The following ACSL3 variants were observed in gnomAD, a reference collection of about 807,000 sequenced individuals.
ACSL3 encodes the protein fatty acid CoA ligase Acsl3.
In ACSL3, 34 loss-of-function variants were observed where a neutral mutation model predicts 84.7. The observed-to-expected ratio is 0.40, with a 90% CI of 0.31 to 0.53. The LOEUF (loss-of-function observed/expected upper bound fraction) is 0.53. ACSL3 is among the 20% of genes least tolerant of loss of function. The pLI is 0.48. For missense variants in ACSL3, 680 were observed against 873.1 expected (o/e 0.78, Z 2.79); for synonymous variants, 315 against 299.4 (o/e 1.05, Z -0.54).
At position 222,927,115 on chromosome 2, in the gene ACSL3, A is replaced by G; in HGVS notation, c.1391A>G (p.Asn464Ser). 6.2e-7 allele frequency: 1 copy of G among 1,614,086 alleles called. No homozygotes were observed. Among genetic ancestry groups the G allele is most frequent in the South Asian group, 1.1e-5 (1 of 91,076 alleles). ...TCTGCAACCACGCAGCGATTCATGA[A>G]CATCTGTTTCTGCTGTCCTGTTGGT... ...PLSATTQRFM[N>S]ICFCCPVGQG... The change falls in exon 12 of 17, where the codon AAC becomes AGC. Residue 464 changes from asparagine to serine, a missense_variant. By Grantham distance (46) the Asn-to-Ser change is conservative (BLOSUM62 1). Transcript: ENST00000357430.
intron 14 of ACSL3, among the ~76,000 whole-genome samples, chr2:222,931,733 A>G (rs1333038808): frequency 6.6e-6 from 1 of 152,152 alleles, no homozygotes. Context: ...AATGTCTCCT[A>G]GAAGCTCAGT....
intron 11 of ACSL3, among the ~76,000 whole-genome samples, chr2:222,926,437 T>G (rs1188635759): frequency 2.6e-5 from 4 of 152,164 alleles, no homozygotes; most frequent in Non-Finnish European, 5.9e-5. Context: ...TCCTTTTTGA[T>G]CAAGGCAGTA....
chr2:222,898,994 A>G (rs1261149906), intron 2 of ACSL3, among the ~76,000 whole-genome samples: 1 of 152,170 alleles, frequency 6.6e-6, no homozygotes, highest in Non-Finnish European at 1.5e-5. Context: ...AATGAAGAGG[A>G]CATTTTGTCT....
At chr2:222,895,470 C>CTTTTTTTTTTTT (rs1164470428) in intron 2 of ACSL3, among the ~76,000 whole-genome samples, 8 of 15,606 alleles carry the variant, frequency 5.1e-4, no homozygotes, top group Non-Finnish European at 7.4e-4. Context: ...TTACTTTGTT[C>CTTTTTTTTTTTT]TTTTTTTTTT....
At chr2:222,915,266 A>C (rs1696547485) in intron 4 of ACSL3, among the ~76,000 whole-genome samples, 2 of 150,314 alleles carry the variant, frequency 1.3e-5, no homozygotes, top group African/African-American at 4.8e-5. Context: ...AGTAAAGTAA[A>C]TAAGTACCAT....
intron 10 of ACSL3, among the ~76,000 whole-genome samples, chr2:222,923,897 A>G (rs1013332770): frequency 1.3e-5 from 2 of 152,232 alleles, no homozygotes; most frequent in Non-Finnish European, 2.9e-5. Flanking sequence ...ATTTTAAGTC[A>G]TTAAAGTATA....
chr2:222,891,069 T>C (rs1695835111), intron 2 of ACSL3, among the ~76,000 whole-genome samples: 1 of 152,222 alleles, frequency 6.6e-6, no homozygotes. Flanking sequence ...CGTAGCTGGA[T>C]TGAGTTGGAA....
Position 222,881,799 on chromosome 2 carries a change from C to T in ACSL3, c.-206-6031C>T, listed in dbSNP as rs370640911. On this transcript the variant is annotated intron_variant, in intron 1 of 16. Coordinates refer to ENST00000357430, the MANE Select transcript of ACSL3 (RefSeq NM_004457.5). Reference sequence around the variant, plus strand: ...GATTATAGGTGTGAGCCATTGCGCCCGGCCTCACTTTTCTTAAATACTTAA... The same window carrying T: ...GATTATAGGTGTGAGCCATTGCGCCTGGCCTCACTTTTCTTAAATACTTAA... 3.3e-4 allele frequency among the ~76,000 whole-genome samples: 51 copies of T among 152,298 alleles called. No homozygotes were observed. The East Asian group carries it at 7.1e-3, about 21-fold the overall frequency.
chr2:222,862,356 C>G (rs1255184021), intron 1 of ACSL3, among the ~76,000 whole-genome samples: 2 of 152,180 alleles, frequency 1.3e-5, no homozygotes, highest in African/African-American at 4.8e-5. Flanking sequence ...GCTCTGAAAT[C>G]TAAGCACTAT....
intron 15 of ACSL3, 43 bp downstream of exon 15, chr2:222,933,323 A>C (rs567087959): frequency 1.4e-6 from 2 of 1,410,618 alleles, no homozygotes; most frequent in South Asian, 2.4e-5. Context: ...AAAATATTTG[A>C]TGTCCATAGA....
At chr2:222,882,054 G>A (rs911652182) in intron 1 of ACSL3, among the ~76,000 whole-genome samples, 6 of 152,088 alleles carry the variant, frequency 3.9e-5, no homozygotes, top group African/African-American at 1.2e-4. Context: ...GGTATGTCAC[G>A]TTTTGGAATC....
chr2:222,913,984 C>G lies in ACSL3; in HGVS notation c.379-2335C>G, dbSNP rs556034804. 2.0e-5 allele frequency among the ~76,000 whole-genome samples: 3 copies of G among 152,248 alleles called. No homozygotes were observed. The South Asian group carries it at 6.2e-4, about 32-fold the overall frequency. On this transcript the variant is annotated intron_variant, in intron 4 of 16. Coordinates refer to ENST00000357430, the MANE Select transcript of ACSL3 (RefSeq NM_004457.5). ...TCATTATCATGATTATTACAACTAT[C>G]CAGATCTCTTGAATATTTTTACTCT... is the stretch of plus-strand genomic sequence containing the variant.
Position 222,944,152 on chromosome 2 carries a change from C to G in ACSL3, c.*2498C>G, listed in dbSNP as rs1374098621. 2.0e-5 allele frequency: 3 copies of G among 152,052 alleles called. No individual in the cohort carries two copies. Among genetic ancestry groups the G allele is most frequent in the Non-Finnish European group, 4.4e-5 (3 of 67,956 alleles). 9.4% of individuals were successfully genotyped at this position (152,052 alleles called of 1,614,324 possible). The stretch of plus-strand genomic sequence containing the variant: ...CAAACCTGAAAGTAGTATCTACTTT[C>G]TAAATACTACTTTGCTTTTCAGTAG... On this transcript the variant is annotated 3_prime_UTR_variant, in exon 17 of 17. Coordinates refer to ENST00000357430, the MANE Select transcript of ACSL3 (RefSeq NM_004457.5).
chr2:222,867,253 T>C (rs1695175085), intron 1 of ACSL3, among the ~76,000 whole-genome samples: 1 of 152,236 alleles, frequency 6.6e-6, no homozygotes, highest in African/African-American at 2.4e-5. Flanking sequence ...GATCCCATAG[T>C]CTGCTAATTC....
At chr2:222,876,520 C>A (rs1042840152) in intron 1 of ACSL3, among the ~76,000 whole-genome samples, 3 of 151,994 alleles carry the variant, frequency 2.0e-5, no homozygotes, top group Non-Finnish European at 2.9e-5. Context: ...GACACTAGAT[C>A]TATTTTGTCC....
intron 4 of ACSL3, among the ~76,000 whole-genome samples, chr2:222,914,200 G>A (rs540199429): frequency 6.6e-6 from 1 of 151,474 alleles, no homozygotes; most frequent in Middle Eastern, 3.2e-3. Flanking sequence ...CCACCTGTAA[G>A]TAGAGAGAAG....
chr2:222,930,561 G>C (rs1313408082), intron 13 of ACSL3, 60 bp from the exon 14 acceptor site: 2 of 1,366,832 alleles, frequency 1.5e-6, no homozygotes, highest in African/African-American at 2.9e-5. Context: ...GAAACTAGTA[G>C]TTTCAAATTT....
Position 222,921,316 on chromosome 2 carries a change from T to C in ACSL3, c.842T>C (p.Ile281Thr), listed in dbSNP as rs1696727983. The change falls in exon 8 of 17, where the codon ATT (isoleucine) becomes ACT (threonine). Residue 281 changes from isoleucine to threonine, a missense_variant. Transcript: ENST00000357430. ...CATAGCAAACCATTGCCCTCAGATA[T>C]TGCAGTAATCATGTACACAAGTGGA... ...QPHSKPLPSD[I>T]AVIMYTSGST... is the part of the protein sequence containing the mutation. 6.2e-7 allele frequency: 1 copy of C among 1,600,672 alleles called. No homozygotes were observed. The highest frequency in any genetic ancestry group is 8.6e-7 in the Non-Finnish European group (1 of 1,168,760).
At chr2:222,888,439 GA>G (rs1695771784) in intron 2 of ACSL3, among the ~76,000 whole-genome samples, 1 of 152,170 alleles carries the variant, frequency 6.6e-6, no homozygotes, top group Admixed American at 6.5e-5. Flanking sequence ...TCTGTGAAAT[GA>G]AAAAATTGAG....
Sources: gnomAD v4.1 joint callset for allele counts (sites outside exome capture counted in the v4.1 genomes callset) on GRCh38, gnomAD v4.1.1 for gene constraint, MANE v1.5 for transcripts, NCBI Gene and HGNC (gene_info 2026-07-23, HGNC 2026-07-21) for gene names.